Variants in PCNT observed in about 807,000 individuals in gnomAD.
PCNT encodes pericentrin.
PCNT carries 319 observed loss-of-function variants against 380.4 expected under a neutral mutation model. That is an observed-to-expected ratio of 0.84 (90% confidence interval 0.77 to 0.92). PCNT has a LOEUF of 0.92. Among genes scored for constraint, PCNT ranks in the 40% least tolerant of loss-of-function variants. PCNT has a pLI of 0.00. For missense variants in PCNT, 4,400 were observed against 4,255.3 expected, an observed-to-expected ratio of 1.03 and a Z score of -0.95; for synonymous variants, 1,845 against 1,735.2, an observed-to-expected ratio of 1.06 and a Z score of -1.57.
Position 46,425,702 on chromosome 21 carries a change from G to C in PCNT, c.7180-129G>C. The C allele has an allele frequency of 7.5e-7, 1 of 1,335,532 alleles. No individual in the cohort carries two copies. The highest frequency in any genetic ancestry group is 1.1e-6 in the Non-Finnish European group (1 of 940,968). 82.7% of individuals were successfully genotyped at this position (1,335,532 alleles called of 1,614,324 possible). A position where few individuals can be genotyped will look rare whatever the true frequency, so the allele number is the denominator to read the frequency against. On this transcript the variant is annotated intron_variant, in intron 32 of 46. Coordinates refer to ENST00000359568, the MANE Select transcript of PCNT (RefSeq NM_006031.6). The surrounding 1 kb of genome is among the most constrained non-coding windows in gnomAD (Gnocchi z 4.2). The stretch of plus-strand genomic sequence containing the variant: ...GGTGCCGCCTGTACGAAGCCGAGGC[G>C]GTGCCCTCCCTCTCCACAGCTGCCC...
chr21:46,326,335 C>T (rs1224443301), intron 1 of PCNT, 42 bp from the exon 2 acceptor site: 1 of 1,590,944 alleles, frequency 6.3e-7, no homozygotes, highest in South Asian at 1.1e-5. Context: ...ATTTTTTTCT[C>T]ACTTACCTTT....
At position 46,381,879 on chromosome 21, in the gene PCNT, A is replaced by G. The variant is rs375496615; in HGVS notation, c.3312+39A>G. The G allele has an allele frequency of 1.9e-6, 3 of 1,607,970 alleles. No homozygotes were observed. The African/African-American group carries it at 4.0e-5, about 21-fold the overall frequency. ...GCTGTTCCCTTGTGATAAGACGTGTATAGCATAAAAATCATTTTCACTTTA... is the reference window on the plus strand; with the variant it reads ...GCTGTTCCCTTGTGATAAGACGTGTGTAGCATAAAAATCATTTTCACTTTA... On this transcript the variant is annotated intron_variant, in intron 16 of 46. Coordinates refer to ENST00000359568, the MANE Select transcript of PCNT (RefSeq NM_006031.6).
At chr21:46,358,304 C>T (rs2084553713) in intron 13 of PCNT, among the ~76,000 whole-genome samples, 1 of 152,242 alleles carries the variant, frequency 6.6e-6, no homozygotes, top group Non-Finnish European at 1.5e-5. Context: ...TATTTGTGTC[C>T]TGCTTCTCCC....
intron 13 of PCNT, among the ~76,000 whole-genome samples, chr21:46,358,237 ATGTCT>A (rs1415556923): frequency 6.6e-5 from 10 of 152,336 alleles, no homozygotes; most frequent in African/African-American, 2.4e-4. Context: ...TGAAATTGTC[ATGTCT>A]TGTCATGTGT....
At position 46,401,734 on chromosome 21, in the gene PCNT, T is replaced by G. The variant is rs2086434972; in HGVS notation, c.4962+13T>G. 1 of 1,613,712 alleles carries G rather than the reference T, an allele frequency of 6.2e-7. No individual in the cohort carries two copies. Reference sequence around the variant, plus strand: ...GCGCGAGAGCGAGGTGAGTGCAGAGTGGGGCCATGGGACTGCCAGCCCTGG... The same window carrying G: ...GCGCGAGAGCGAGGTGAGTGCAGAGGGGGGCCATGGGACTGCCAGCCCTGG... On this transcript the variant is annotated intron_variant, in intron 26 of 46. Transcript: ENST00000359568.
intron 3 of PCNT, among the ~76,000 whole-genome samples, chr21:46,345,067 C>T (rs2084023118): frequency 6.6e-6 from 1 of 152,140 alleles, no homozygotes; most frequent in African/African-American, 2.4e-5. Flanking sequence ...TACCTTTCAT[C>T]GGTACCCACT....
chr21:46,383,786 GCGTTC>G, intron 16 of PCNT, among the ~76,000 whole-genome samples: 1 of 130,526 alleles, frequency 7.7e-6, no homozygotes, highest in Non-Finnish European at 1.7e-5. Context: ...ACGGTGTTGT[GCGTTC>G]AGTGGCAGAA....
In PCNT at chr21:46,363,592, A is replaced by G; in HGVS notation, c.2267A>G (p.Lys756Arg). 6.2e-7 allele frequency: 1 copy of G among 1,614,244 alleles called. No individual in the cohort carries two copies. The highest frequency in any genetic ancestry group is 1.1e-5 in the South Asian group (1 of 91,090). The change falls in exon 14 of 47, where the codon AAG becomes AGG. Residue 756 changes from lysine (K) to arginine (R), a missense_variant. Transcript: ENST00000359568. ...QRKETDWKVM[K>R]EELQREAEEK... ...AAAGAAACGGACTGGAAAGTTATGAAGGAGGAGCTACAGCGGGAAGCTGAG... is the reference window on the plus strand; with the variant it reads ...AAAGAAACGGACTGGAAAGTTATGAGGGAGGAGCTACAGCGGGAAGCTGAG...
In PCNT at chr21:46,425,964, A is replaced by G; in HGVS notation, c.7313A>G (p.Lys2438Arg). ...CAGGACATCTCGCTCCATGGGGGAA[A>G]GACGCAGGTTTATTTTGCCCTTCAC... Reference protein sequence around the residue: ...EIQDISLHGGKTQEVPTACPD... With the variant: ...EIQDISLHGGRTQEVPTACPD... Residue 2438 changes from lysine to arginine, a missense_variant, in exon 33 of 47, where the codon AAG becomes AGG. Coordinates refer to ENST00000359568, the MANE Select transcript of PCNT (RefSeq NM_006031.6). The surrounding 1 kb of genome is among the most constrained non-coding windows in gnomAD (Gnocchi z 4.2). The G allele has an allele frequency of 6.2e-7, 1 of 1,614,052 alleles. No individual in the cohort carries two copies.
chr21:46,430,291 T>C, intron 36 of PCNT, 59 bp downstream of exon 36: 1 of 1,523,366 alleles, frequency 6.6e-7, no homozygotes, highest in East Asian at 2.3e-5. Flanking sequence ...TGCCATGTTT[T>C]CTTGGTGATG....
intron 3 of PCNT, among the ~76,000 whole-genome samples, chr21:46,338,543 A>T (rs2083823441): frequency 6.7e-6 from 1 of 150,296 alleles, no homozygotes; most frequent in Non-Finnish European, 1.5e-5. Context: ...TTGTTTATCC[A>T]CTCACCTGGT....
chr21:46,405,258 A>G (rs1433765518), intron 27 of PCNT, among the ~76,000 whole-genome samples: 1 of 152,236 alleles, frequency 6.6e-6, no homozygotes, highest in Non-Finnish European at 1.5e-5. Context: ...GGAGGGGACC[A>G]TAGAAGTAAG....
Position 46,359,261 on chromosome 21 carries a change from C to T in PCNT, c.2154+2070C>T, listed in dbSNP as rs368433552. On this transcript the variant is annotated intron_variant, in intron 13 of 46. Coordinates refer to ENST00000359568, the MANE Select transcript of PCNT (RefSeq NM_006031.6). ...AGCCACCGAACCTGGCTCCAGGTGA[C>T]TTTTTGATGCTCATGTCTTTATGCT... Among the ~76,000 whole-genome samples, 7 of 129,370 alleles carry T rather than the reference C, an allele frequency of 5.4e-5. 2 individuals carry two copies. The highest frequency in any genetic ancestry group is 2.0e-4 in the African/African-American group (7 of 35,306). 84.9% of individuals were successfully genotyped at this position (129,370 alleles called of 152,430 possible).
rs563371266 is a variant in PCNT, at chr21:46,377,198, C to T, written c.3166-4496C>T. On this transcript the variant is annotated intron_variant, in intron 15 of 46. Transcript: ENST00000359568. Reference sequence around the variant, plus strand: ...GGCACTCACTCATTGTTGACGTCTTCCTCCTCCTGAAGCTGGTGGAGCCCC... The same window carrying T: ...GGCACTCACTCATTGTTGACGTCTTTCTCCTCCTGAAGCTGGTGGAGCCCC... Among the ~76,000 whole-genome samples, 15 of 152,356 alleles carry T rather than the reference C, an allele frequency of 9.8e-5. No homozygotes were observed. In the South Asian group the frequency reaches 2.9e-3, roughly 29 times the overall value.
At chr21:46,339,801 A>G (rs923094187) in intron 3 of PCNT, among the ~76,000 whole-genome samples, 11 of 152,200 alleles carry the variant, frequency 7.2e-5, no homozygotes, top group African/African-American at 2.2e-4. Flanking sequence ...AATCAAGTTG[A>G]CAATGTTAAC....
intron 35 of PCNT, 120 bp from the exon 36 acceptor site, chr21:46,429,890 C>T (rs2087677663): frequency 2.7e-6 from 2 of 750,892 alleles, no homozygotes; most frequent in Admixed American, 2.2e-5. Context: ...GTCCACAGAA[C>T]CTCCTTTCTT....
chr21:46,412,148 G>T, intron 28 of PCNT, 81 bp downstream of exon 28: 2 of 1,479,018 alleles, frequency 1.4e-6, no homozygotes, highest in Non-Finnish European at 1.8e-6. Flanking sequence ...TTCTCTCTGC[G>T]CTGGGCACTG....
At chr21:46,428,288 CAGCAGGCTTGTCCCGGCGG>C in intron 34 of PCNT, 88 bp from the exon 35 acceptor site, 1 of 1,013,094 alleles carries the variant, frequency 9.9e-7, no homozygotes. Flanking sequence ...ATCCCAGACT[CAGCAGGCTTGTCCCGGCGG>C]AGCTGGTTTT....
chr21:46,398,879 G>C (rs1333316665), intron 24 of PCNT, among the ~76,000 whole-genome samples: 1 of 148,110 alleles, frequency 6.8e-6, no homozygotes, highest in Non-Finnish European at 1.5e-5. Flanking sequence ...GAGTGCAGTG[G>C]CGCGATCTCA....
Sources: allele counts gnomAD v4.1 joint callset (sites outside exome capture counted in the v4.1 genomes callset), GRCh38; gene constraint gnomAD v4.1.1; non-coding constraint Gnocchi (gnomAD v3.1); transcripts MANE v1.5; gene names NCBI Gene and HGNC (gene_info 2026-07-23, HGNC 2026-07-21).